Variants in ANKRD44 observed in about 807,000 individuals in gnomAD.
ANKRD44 encodes the protein ankyrin repeat domain 44.
A neutral mutation model predicts 116.0 loss-of-function variants in ANKRD44; 35 were observed. The observed-to-expected ratio is 0.30, with a 90% CI of 0.23 to 0.40. ANKRD44 has a LOEUF of 0.40. ANKRD44 is among the 10% of genes least tolerant of loss of function. ANKRD44 has a pLI of 1.00. For synonymous variants in ANKRD44, 435 were observed against 461.8 expected (o/e 0.94, Z 0.74); for missense variants, 1,014 against 1,242.6 (o/e 0.82, Z 2.77).
chr2:197,113,949 G>C (rs2078649952), intron 8 of ANKRD44, among the ~76,000 whole-genome samples: 1 of 152,194 alleles, frequency 6.6e-6, no homozygotes, highest in Non-Finnish European at 1.5e-5. Context: ...GAGTATCATG[G>C]CAGCCATTTT....
chr2:197,265,960 T>C (rs1008474824), intron 1 of ANKRD44, among the ~76,000 whole-genome samples: 2 of 152,128 alleles, frequency 1.3e-5, no homozygotes, highest in African/African-American at 4.8e-5. Context: ...GGCTAAAATG[T>C]AAAGCATATG....
intron 16 of ANKRD44, among the ~76,000 whole-genome samples, chr2:197,072,532 C>T (rs1277485813): frequency 6.6e-6 from 1 of 152,164 alleles, no homozygotes; most frequent in African/African-American, 2.4e-5. Flanking sequence ...AAATACCTTC[C>T]TAACAAACAG....
chr2:197,251,241 G>C (rs2082310325), intron 1 of ANKRD44, among the ~76,000 whole-genome samples: 7 of 152,088 alleles, frequency 4.6e-5, no homozygotes, highest in Admixed American at 3.9e-4. Flanking sequence ...TTTCTGAGTA[G>C]CTTAAAAACA....
At chr2:197,120,666 A>G (rs2078831088) in intron 8 of ANKRD44, among the ~76,000 whole-genome samples, 1 of 152,102 alleles carries the variant, frequency 6.6e-6, no homozygotes, top group African/African-American at 2.4e-5. Context: ...AAAAAAAGAA[A>G]GAAAAGAAAG....
chr2:197,009,603 A>C (rs2076260601), intron 18 of ANKRD44, among the ~76,000 whole-genome samples: 1 of 152,080 alleles, frequency 6.6e-6, no homozygotes, highest in South Asian at 2.1e-4. Context: ...TTCTGGGCTC[A>C]AGCAATCTGA....
chr2:197,013,537 G>A lies in ANKRD44; in HGVS notation c.1898C>T (p.Thr633Ile), dbSNP rs2076335228. 1 of 1,614,092 alleles carries A rather than the reference G, an allele frequency of 6.2e-7. No individual in the cohort carries two copies. Among genetic ancestry groups the A allele is most frequent in the African/African-American group, 1.3e-5 (1 of 74,928 alleles). ...GASIFVKDNVTKRTPLHASVI... is the reference protein window; with the variant it reads ...GASIFVKDNVIKRTPLHASVI... ...TGAGGCATGAAGTGGGGTTCTTTTG[G>A]TTACATTGTCTTTCACAAAGATGGA... is the stretch of plus-strand genomic sequence containing the variant. Residue 633 changes from threonine (T) to isoleucine (I), a missense_variant, in exon 18 of 28, where the codon ACC (threonine) becomes ATC (isoleucine). By Grantham distance (89) the Thr-to-Ile change is moderately conservative. Coordinates refer to ENST00000282272, the MANE Select transcript of ANKRD44 (RefSeq NM_001195144.2).
intron 2 of ANKRD44, among the ~76,000 whole-genome samples, chr2:197,158,636 T>C (rs2079880837): frequency 6.6e-6 from 1 of 152,106 alleles, no homozygotes; most frequent in Non-Finnish European, 1.5e-5. Context: ...GAACACACAG[T>C]GTCAGGATCA....
chr2:197,308,063 T>C (rs2084126721), intron 1 of ANKRD44, among the ~76,000 whole-genome samples: 2 of 150,902 alleles, frequency 1.3e-5, no homozygotes, highest in South Asian at 4.2e-4. Context: ...TCCCAGCTAC[T>C]GGGGAGGCTG....
At chr2:197,090,208 C>G (rs1470117390) in intron 10 of ANKRD44, among the ~76,000 whole-genome samples, 176 bp from the exon 11 acceptor site, 3 of 152,174 alleles carry the variant, frequency 2.0e-5, no homozygotes, top group African/African-American at 7.2e-5. Context: ...CAGTTTCTAC[C>G]TTAAAATAAT....
At chr2:197,163,753 G>A (rs1204316381) in intron 2 of ANKRD44, among the ~76,000 whole-genome samples, 1 of 152,102 alleles carries the variant, frequency 6.6e-6, no homozygotes, top group African/African-American at 2.4e-5. Flanking sequence ...TCAGGCTCCC[G>A]AGTAGCTGGG....
intron 4 of ANKRD44, among the ~76,000 whole-genome samples, chr2:197,130,313 G>A (rs1017392658): frequency 1.3e-4 from 20 of 152,204 alleles, no homozygotes; most frequent in African/African-American, 4.8e-5. Context: ...AACTAGGAGT[G>A]CAAAGGCAGT....
chr2:197,277,754 A>G (rs1408447513), intron 1 of ANKRD44, among the ~76,000 whole-genome samples: 1 of 152,158 alleles, frequency 6.6e-6, no homozygotes, highest in Non-Finnish European at 1.5e-5. Context: ...TAGAATTTCT[A>G]TCCAAAGCTT....
chr2:197,173,397 G>A (rs991251168), intron 2 of ANKRD44, among the ~76,000 whole-genome samples: 2 of 152,174 alleles, frequency 1.3e-5, no homozygotes, highest in African/African-American at 4.8e-5. Context: ...ATATTTAAAT[G>A]TGTCCTAAAG....
intron 16 of ANKRD44, among the ~76,000 whole-genome samples, chr2:197,050,190 A>G (rs1484868409): frequency 6.6e-6 from 1 of 152,132 alleles, no homozygotes; most frequent in Non-Finnish European, 1.5e-5. Flanking sequence ...ACCAGCTCTC[A>G]TAAGAACACC....
At chr2:197,164,147 G>T (rs1371160404) in intron 2 of ANKRD44, among the ~76,000 whole-genome samples, 1 of 152,250 alleles carries the variant, frequency 6.6e-6, no homozygotes, top group Admixed American at 6.5e-5. Context: ...GCTAGAACCA[G>T]AGTTGGTGGG....
intron 2 of ANKRD44, among the ~76,000 whole-genome samples, chr2:197,184,312 A>G (rs2080592948): frequency 6.6e-6 from 1 of 152,158 alleles, no homozygotes; most frequent in Non-Finnish European, 1.5e-5. Flanking sequence ...TATAAGTGGA[A>G]GTGATGTATG....
At chr2:197,033,797 T>A (rs567599754) in intron 16 of ANKRD44, among the ~76,000 whole-genome samples, 1 of 152,124 alleles carries the variant, frequency 6.6e-6, no homozygotes, top group Admixed American at 6.6e-5. Flanking sequence ...CTGGAGATGT[T>A]GACTGGAATC....
chr2:197,031,187 G>A (rs1407953458), intron 16 of ANKRD44, among the ~76,000 whole-genome samples: 4 of 150,014 alleles, frequency 2.7e-5, no homozygotes, highest in Admixed American at 2.6e-4. Context: ...TTATAAAGCA[G>A]TATTGACATG....
At chr2:197,028,239 T>TA (rs2076635796) in intron 16 of ANKRD44, among the ~76,000 whole-genome samples, 1 of 151,658 alleles carries the variant, frequency 6.6e-6, no homozygotes, top group African/African-American at 2.4e-5. Context: ...TTTTTTAAAA[T>TA]AGAGACAGGG....
Sources: gnomAD v4.1 joint callset for allele counts (sites outside exome capture counted in the v4.1 genomes callset) on GRCh38, gnomAD v4.1.1 for gene constraint, MANE v1.5 for transcripts, NCBI Gene and HGNC (gene_info 2026-07-23, HGNC 2026-07-21) for gene names.